Variants in ADGRA1 observed in about 807,000 individuals in gnomAD.
The protein encoded by ADGRA1 is G-protein coupled receptor 123.
A neutral mutation model predicts 21.3 loss-of-function variants in ADGRA1; 12 were observed. That is an observed-to-expected ratio of 0.56 (90% confidence interval 0.36 to 0.91). The LOEUF is 0.91. ADGRA1 is among the 40% of genes least tolerant of loss of function. ADGRA1 has a pLI of 0.01. For synonymous variants in ADGRA1, 385 were observed against 368.8 expected, an observed-to-expected ratio of 1.04 and a Z score of -0.50; for missense variants, 790 against 805.6, an observed-to-expected ratio of 0.98 and a Z score of 0.23.
At chr10:133,124,381 G>A (rs1030863331) in intron 5 of ADGRA1, among the ~76,000 whole-genome samples, 11 of 152,172 alleles carry the variant, frequency 7.2e-5, no homozygotes, top group African/African-American at 2.4e-4. Flanking sequence ...CTCCCAAGGG[G>A]AAGCTGTTAG....
chr10:133,102,168 G>T (rs775216995), intron 4 of ADGRA1: 2 of 452,128 alleles, frequency 4.4e-6, no homozygotes, highest in Admixed American at 2.4e-5. Flanking sequence ...CCGGCCCCGT[G>T]GGGGGCTCAT....
intron 5 of ADGRA1, among the ~76,000 whole-genome samples, chr10:133,103,793 G>T (rs736017): frequency 3.3e-5 from 5 of 152,200 alleles, no homozygotes; most frequent in Non-Finnish European, 5.9e-5. Flanking sequence ...AGCGCCTTTG[G>T]TGTTTCCTTT....
At chr10:133,098,294 C>T (rs1851724263) in intron 3 of ADGRA1, among the ~76,000 whole-genome samples, 1 of 152,202 alleles carries the variant, frequency 6.6e-6, no homozygotes, top group African/African-American at 2.4e-5. Context: ...TGCTGGGACC[C>T]AGGGGGTGCG....
intron 2 of ADGRA1, among the ~76,000 whole-genome samples, chr10:133,093,503 C>T (rs1273461438): frequency 2.0e-5 from 3 of 152,214 alleles, no homozygotes; most frequent in Non-Finnish European, 4.4e-5. Context: ...ACTGTTGGCT[C>T]CGAGGCCGGC....
At chr10:133,093,307 T>C in intron 2 of ADGRA1, 1 of 1,535,350 alleles carries the variant, frequency 6.5e-7, no homozygotes, top group East Asian at 2.4e-5. Context: ...GACTGCTTCC[T>C]TCTCATCTTT....
At chr10:133,124,124 T>C (rs1852329228) in intron 5 of ADGRA1, among the ~76,000 whole-genome samples, 1 of 151,900 alleles carries the variant, frequency 6.6e-6, no homozygotes, top group African/African-American at 2.4e-5. Context: ...GGTCCCAGGC[T>C]CTGCACCCTC....
Position 133,087,978 on chromosome 10 carries a change from C to T in ADGRA1, c.-363C>T. 2 of 984,790 alleles carry T rather than the reference C, an allele frequency of 2.0e-6. No homozygotes were observed. The highest frequency in any genetic ancestry group is 2.4e-6 in the Non-Finnish European group (2 of 829,746). The allele number at this position is 984,790 out of a possible 1,614,324, so 61.0% of individuals were successfully genotyped here. ...GGGCCGCTCGTGCGCGGGGCTGTGA[C>T]TCACCGGCCGGCGCCGCAGCCCCGC... On this transcript the variant is annotated 5_prime_UTR_variant, in exon 1 of 7. Coordinates refer to ENST00000392607, the MANE Select transcript of ADGRA1 (RefSeq NM_001083909.3).
At chr10:133,116,104 C>T (rs1223963070) in intron 5 of ADGRA1, among the ~76,000 whole-genome samples, 4 of 152,118 alleles carry the variant, frequency 2.6e-5, no homozygotes, top group African/African-American at 7.2e-5. Flanking sequence ...GGCCCACCCA[C>T]GCCGCTCTGC....
intron 5 of ADGRA1, among the ~76,000 whole-genome samples, chr10:133,117,290 C>T (rs563287862): frequency 2.6e-5 from 4 of 152,184 alleles, no homozygotes; most frequent in East Asian, 1.9e-4. Flanking sequence ...TGCCTGGGCC[C>T]GAGACCCGAG....
chr10:133,108,409 C>A (rs548000705), intron 5 of ADGRA1, among the ~76,000 whole-genome samples: 1 of 152,220 alleles, frequency 6.6e-6, no homozygotes, highest in South Asian at 2.1e-4. Context: ...CTAAATGGGG[C>A]TAGGGTGACT....
At chr10:133,099,639 C>T (rs1048965321) in intron 4 of ADGRA1, among the ~76,000 whole-genome samples, 1 of 152,220 alleles carries the variant, frequency 6.6e-6, no homozygotes, top group African/African-American at 2.4e-5. Flanking sequence ...CCCTGTCCTC[C>T]TCCACTTTGG....
In ADGRA1 at chr10:133,088,057, G is replaced by A. The variant is rs1851531275; in HGVS notation, c.-284G>A. ...GCCGCTGCCCTCGCGAATGGAGAGC[G>A]GGTCCCCGGCGGGGGGAGCGCAGCG... On this transcript the variant is annotated 5_prime_UTR_variant, in exon 1 of 7. Coordinates refer to ENST00000392607, the MANE Select transcript of ADGRA1 (RefSeq NM_001083909.3). 2.0e-6 allele frequency: 2 copies of A among 985,098 alleles called. No individual in the cohort carries two copies. Among genetic ancestry groups the A allele is most frequent in the Non-Finnish European group, 2.4e-6 (2 of 829,856 alleles). The allele number at this position is 985,098 out of a possible 1,614,324, so 61.0% of individuals were successfully genotyped here.
rs996336864 is a variant in ADGRA1 at position 133,128,945 on chromosome 10, C to T, written c.1117C>T (p.His373Tyr). The T allele has an allele frequency of 6.4e-7, 1 of 1,557,654 alleles. No individual in the cohort carries two copies. Among genetic ancestry groups the T allele is most frequent in the Non-Finnish European group, 8.7e-7 (1 of 1,154,398 alleles). Residue 373 changes from histidine to tyrosine, a missense_variant, in exon 7 of 7, where the codon CAC (histidine) becomes TAC (tyrosine). Coordinates refer to ENST00000392607, the MANE Select transcript of ADGRA1 (RefSeq NM_001083909.3). ...GACCAACCTGCAGGCCGCGCAGGGCCACGCCAGTTGCCTGTCACCGGCCAC... is the reference window on the plus strand; with the variant it reads ...GACCAACCTGCAGGCCGCGCAGGGCTACGCCAGTTGCCTGTCACCGGCCAC... ...KMTNLQAAQG[H>Y]ASCLSPATPC...
At chr10:133,088,294 GC>G in intron 1 of ADGRA1, 156 bp downstream of exon 1, 1 of 210,666 alleles carries the variant, frequency 4.7e-6, no homozygotes, top group Non-Finnish European at 8.2e-6. Context: ...ATAATCCAGG[GC>G]CCCCGCCCCG....
At chr10:133,108,372 C>T (rs1467617304) in intron 5 of ADGRA1, among the ~76,000 whole-genome samples, 2 of 152,176 alleles carry the variant, frequency 1.3e-5, no homozygotes, top group African/African-American at 4.8e-5. Context: ...CAGCCTCAAC[C>T]GAGGAGTCCA....
At position 133,088,843 on chromosome 10, in the gene ADGRA1, C is replaced by T. The variant is rs1851549033; in HGVS notation, c.-67C>T. On this transcript the variant is annotated 5_prime_UTR_variant, in exon 2 of 7. Coordinates refer to ENST00000392607, the MANE Select transcript of ADGRA1 (RefSeq NM_001083909.3). ...TGGAGGCTGGCGGGGAGCAGGGCGC[C>T]ACCTGATCGCCTCCCCCTGGACGCC... The T allele has an allele frequency of 8.1e-7, 1 of 1,236,538 alleles. No homozygotes were observed. The highest frequency in any genetic ancestry group is 1.5e-5 in the African/African-American group (1 of 64,618). 76.6% of individuals were successfully genotyped at this position (1,236,538 alleles called of 1,614,324 possible).
intron 5 of ADGRA1, among the ~76,000 whole-genome samples, chr10:133,103,501 C>T (rs373479107): frequency 9.2e-5 from 14 of 152,346 alleles, no homozygotes; most frequent in Admixed American, 5.9e-4. Flanking sequence ...CGGCGGCCTG[C>T]ACCAGCTGTT....
At chr10:133,125,642 G>A (rs765206455) in intron 5 of ADGRA1, among the ~76,000 whole-genome samples, 1 of 151,992 alleles carries the variant, frequency 6.6e-6, no homozygotes, top group East Asian at 1.9e-4. Context: ...TGTTAGCCAG[G>A]ATGGTCTCGG....
intron 2 of ADGRA1, among the ~76,000 whole-genome samples, chr10:133,092,134 G>C (rs1851605303): frequency 6.6e-6 from 1 of 152,266 alleles, no homozygotes; most frequent in Non-Finnish European, 1.5e-5. Context: ...TGGGCATTCA[G>C]GAGGTGGGAG....
Sources: allele counts gnomAD v4.1 joint callset (sites outside exome capture counted in the v4.1 genomes callset), GRCh38; gene constraint gnomAD v4.1.1; transcripts MANE v1.5; gene names NCBI Gene and HGNC (gene_info 2026-07-23, HGNC 2026-07-21).